KIF20B: variants seen among roughly 807,000 people sequenced by gnomAD.
The protein encoded by KIF20B is kinesin family member 20B.
In KIF20B, 188 loss-of-function variants were observed where a neutral mutation model predicts 232.5. That is an observed-to-expected ratio of 0.81 (90% CI 0.72 to 0.91). KIF20B has a LOEUF of 0.91. Among genes scored for constraint, KIF20B ranks in the 40% least tolerant of loss-of-function variants. The pLI is 0.00. For synonymous variants in KIF20B, 712 were observed against 683.0 expected (o/e 1.04, Z -0.66); for missense variants, 2,154 against 2,055.9 (o/e 1.05, Z -0.92).
chr10:89,745,847 T>G, intron 22 of KIF20B, 52 bp from the exon 23 acceptor site: 1 of 1,198,600 alleles, frequency 8.3e-7, no homozygotes, highest in Non-Finnish European at 1.2e-6. Context: ...CACTGTTAAA[T>G]ATTGTGTTTT....
rs144218406 is a variant in KIF20B at position 89,737,772 on chromosome 10, T to C, written c.2931T>C (p.Asn977=). Reference sequence around the variant, plus strand: ...AAACTGCTACAAGAAGCATTACAAATAATGTTTCACAAATAAAATTAATGC... The same window carrying C: ...AAACTGCTACAAGAAGCATTACAAACAATGTTTCACAAATAAAATTAATGC... The part of the protein sequence containing the change: ...EIETATRSIT[N]NVSQIKLMHT... Residue 977 remains asparagine, a synonymous_variant, in exon 20 of 33, where the codon AAT becomes AAC. Coordinates refer to ENST00000371728, the MANE Select transcript of KIF20B (RefSeq NM_001284259.2). 2.5e-6 allele frequency: 4 copies of C among 1,612,050 alleles called. No individual in the cohort carries two copies. In the African/African-American group the frequency reaches 5.3e-5, roughly 22 times the overall value.
At position 89,726,357 on chromosome 10, in the gene KIF20B, T is replaced by C; in HGVS notation, c.2066T>C (p.Ile689Thr). Residue 689 changes from isoleucine (I) to threonine (T), a missense_variant, in exon 16 of 33, where the codon ATT becomes ACT. By Grantham distance (89) the Ile-to-Thr change is moderately conservative. Transcript: ENST00000371728. ...TCTCTTCAAGATAATGTTGCTGATA[T>C]TAAGAAACAGGCTGAAATTGCTCAC... ...IDSLQDNVAD[I>T]KKQAEIAHLY... 8 of 1,556,284 alleles carry C rather than the reference T, an allele frequency of 5.1e-6. No individual in the cohort carries two copies. Among genetic ancestry groups the C allele is most frequent in the East Asian group, 2.4e-5 (1 of 41,204 alleles).
At chr10:89,735,161 A>T (rs1255010057) in intron 19 of KIF20B, among the ~76,000 whole-genome samples, 1 of 152,232 alleles carries the variant, frequency 6.6e-6, no homozygotes, top group Non-Finnish European at 1.5e-5. Context: ...ATGTAACTGG[A>T]ATATGTCAGA....
At chr10:89,723,377 A>G (rs976352879) in intron 13 of KIF20B, among the ~76,000 whole-genome samples, 1 of 151,410 alleles carries the variant, frequency 6.6e-6, no homozygotes, top group African/African-American at 2.4e-5. Flanking sequence ...ATTTTTCATG[A>G]TTATGTATGT....
intron 11 of KIF20B, among the ~76,000 whole-genome samples, chr10:89,718,160 G>T (rs753583266): frequency 6.6e-6 from 1 of 152,108 alleles, no homozygotes; most frequent in Non-Finnish European, 1.5e-5. Flanking sequence ...CTATACTAGG[G>T]AACATAACCC....
intron 22 of KIF20B, 41 bp from the exon 23 acceptor site, chr10:89,745,858 T>G: frequency 7.5e-7 from 1 of 1,340,672 alleles, no homozygotes; most frequent in African/African-American, 1.4e-5. Context: ...ATTGTGTTTT[T>G]AAGTTAATTT....
At chr10:89,733,160 C>T in intron 19 of KIF20B, 104 bp downstream of exon 19, 1 of 1,194,346 alleles carries the variant, frequency 8.4e-7, no homozygotes, top group Non-Finnish European at 1.2e-6. Context: ...AAGGAAAAAT[C>T]TTGAGAAAAT....
intron 18 of KIF20B, among the ~76,000 whole-genome samples, chr10:89,729,659 A>G (rs1843275464): frequency 2.0e-5 from 3 of 152,174 alleles, no homozygotes; most frequent in Admixed American, 6.5e-5. Context: ...TGTTTTTATT[A>G]TATGTATTGT....
chr10:89,768,526 A>G (rs1842407467), intron 30 of KIF20B, 135 bp downstream of exon 30: 2 of 714,764 alleles, frequency 2.8e-6, no homozygotes, highest in African/African-American at 1.8e-5. Flanking sequence ...GGCCAGTAGC[A>G]TCTACTTTAT....
Position 89,737,858 on chromosome 10 carries a change from T to A in KIF20B, c.3017T>A (p.Leu1006Ter), listed in dbSNP as rs1315583361. 6.2e-7 allele frequency: 1 copy of A among 1,613,410 alleles called. No individual in the cohort carries two copies. The highest frequency in any genetic ancestry group is 1.1e-5 in the South Asian group (1 of 91,066). Reference sequence around the variant, plus strand: ...GTTTCTCAGATTTCAAACATAGATTTGCTCAATCTCAGGGATCTGTCAAAT... The same window carrying A: ...GTTTCTCAGATTTCAAACATAGATTAGCTCAATCTCAGGGATCTGTCAAAT... Reference protein sequence around the residue: ...DSVSQISNIDLLNLRDLSNGS... With the variant: ...DSVSQISNID Residue 1006 changes from leucine (L) to a stop codon, truncating the protein, a stop_gained, in exon 20 of 33, where the codon TTG becomes TAG. Coordinates refer to ENST00000371728, the MANE Select transcript of KIF20B (RefSeq NM_001284259.2). LOFTEE classifies it high-confidence loss of function.
chr10:89,740,214 T>C (rs537859425), intron 21 of KIF20B, among the ~76,000 whole-genome samples: 1 of 149,200 alleles, frequency 6.7e-6, no homozygotes, highest in East Asian at 2.0e-4. Context: ...AAGTCATTTG[T>C]TCATTTTAAT....
At chr10:89,734,641 A>G (rs1841606364) in intron 19 of KIF20B, among the ~76,000 whole-genome samples, 1 of 152,190 alleles carries the variant, frequency 6.6e-6, no homozygotes, top group Non-Finnish European at 1.5e-5. Flanking sequence ...TGAGCTTTGT[A>G]ATGATCTCAA....
chr10:89,716,239 G>C (rs1040015390), intron 8 of KIF20B, among the ~76,000 whole-genome samples, 197 bp from the exon 9 acceptor site: 11 of 152,110 alleles, frequency 7.2e-5, no homozygotes, highest in Admixed American at 7.2e-4. Context: ...TTGTGTGTTT[G>C]TGTAATTTAC....
chr10:89,710,142 G>T, intron 5 of KIF20B, 77 bp downstream of exon 5: 2 of 1,270,194 alleles, frequency 1.6e-6, no homozygotes, highest in South Asian at 1.6e-5. Flanking sequence ...ATACATACAT[G>T]TAGTTATGTT....
intron 25 of KIF20B, 58 bp downstream of exon 25, chr10:89,752,749 T>G: frequency 7.9e-7 from 1 of 1,259,954 alleles, no homozygotes; most frequent in Non-Finnish European, 1.1e-6. Flanking sequence ...ATATTTCTAA[T>G]AAGAGGAGAA....
chr10:89,761,557 C>T (rs987337860), intron 28 of KIF20B, among the ~76,000 whole-genome samples: 1 of 152,064 alleles, frequency 6.6e-6, no homozygotes, highest in African/African-American at 2.4e-5. Context: ...AGCAGTCCTC[C>T]TGCCTCAGCC....
rs1246343058 is a variant in KIF20B at position 89,717,360 on chromosome 10, GTCTC to G, written c.1053-61_1053-58del. 19 of 984,220 alleles carry G rather than the reference GTCTC, an allele frequency of 1.9e-5. No individual in the cohort carries two copies. The African/African-American group carries it at 3.1e-4, about 16-fold the overall frequency. The allele number at this position is 984,220 out of a possible 1,614,324, so 61.0% of individuals were successfully genotyped here. On this transcript the variant is annotated intron_variant, in intron 9 of 32. Coordinates refer to ENST00000371728, the MANE Select transcript of KIF20B (RefSeq NM_001284259.2). Reference sequence around the variant, plus strand: ...ATAAATAAGATTGATTTGAATACTTGTCTCTCCTATTTAGAATGCAGAAATTAAA... The same window carrying G: ...ATAAATAAGATTGATTTGAATACTTGTCCTATTTAGAATGCAGAAATTAAA...
rs760119505 is a variant in KIF20B at position 89,724,029 on chromosome 10, C to G, written c.1788C>G (p.Thr596=). The G allele has an allele frequency of 1.9e-6, 3 of 1,579,394 alleles. No homozygotes were observed. The highest frequency in any genetic ancestry group is 2.4e-5 in the South Asian group (2 of 83,062). ...KLINEKKEKL[T]LEFKIREEVT... ...TAAATGAAAAAAAGGAAAAATTAAC[C>G]TTGGAATTTAAAATTCGAGAAGAAG... is the stretch of plus-strand genomic sequence containing the variant. The change falls in exon 14 of 33, where the codon ACC becomes ACG. Residue 596 remains threonine (T), a synonymous_variant. Transcript: ENST00000371728.
At chr10:89,735,084 G>A (rs1009222946) in intron 19 of KIF20B, among the ~76,000 whole-genome samples, 2 of 152,008 alleles carry the variant, frequency 1.3e-5, no homozygotes, top group Non-Finnish European at 2.9e-5. Context: ...GTAAATAAAT[G>A]TTTTTCAGTG....
Sources: allele counts gnomAD v4.1 joint callset (sites outside exome capture counted in the v4.1 genomes callset), GRCh38; gene constraint gnomAD v4.1.1; transcripts MANE v1.5; gene names NCBI Gene and HGNC (gene_info 2026-07-23, HGNC 2026-07-21).